TMEM123: variants seen among roughly 807,000 people sequenced by gnomAD.
The protein encoded by TMEM123 is porimin.
A neutral mutation model predicts 19.7 loss-of-function variants in TMEM123; 16 were observed. That is an observed-to-expected ratio of 0.81 (90% confidence interval 0.55 to 1.23). The LOEUF (loss-of-function observed/expected upper bound fraction) is 1.23, where lower values mean the gene tolerates loss of function less well. Ranked by LOEUF, TMEM123 falls within the 50% of genes most tolerant of loss-of-function variation. TMEM123 has a pLI of 0.00. For missense variants in TMEM123, 313 were observed against 257.8 expected (o/e 1.21, Z -1.47); for synonymous variants, 118 against 99.4 (o/e 1.19, Z -1.12).
chr11:102,415,381 TCTC>T (rs1410913976), intron 2 of TMEM123, among the ~76,000 whole-genome samples: 1 of 151,778 alleles, frequency 6.6e-6, no homozygotes, highest in Non-Finnish European at 1.5e-5. Context: ...GAATATACAT[TCTC>T]CTCATCTGCA....
At chr11:102,417,269 C>A (rs1952050225) in intron 2 of TMEM123, among the ~76,000 whole-genome samples, 1 of 152,150 alleles carries the variant, frequency 6.6e-6, no homozygotes, top group African/African-American at 2.4e-5. Context: ...CCCAAGGGCT[C>A]CTAGATCTGA....
Position 102,449,058 on chromosome 11 carries a change from C to T in TMEM123, c.101-190G>A, listed in dbSNP as rs890296772. Reference sequence around the variant, plus strand: ...GCTGTCAGTAAAAGGGACTGTATTACCAGGTTTTTCAAGATAAACATCTAG... The same window carrying T: ...GCTGTCAGTAAAAGGGACTGTATTATCAGGTTTTTCAAGATAAACATCTAG... On this transcript the variant is annotated intron_variant, in intron 1 of 4. Transcript: ENST00000398136. 16 of 544,762 alleles carry T rather than the reference C, an allele frequency of 2.9e-5. No individual in the cohort carries two copies. The African/African-American group carries it at 3.1e-4, about 10-fold the overall frequency. The allele number at this position is 544,762 out of a possible 1,614,324, so 33.7% of individuals were successfully genotyped here.
intron 2 of TMEM123, 130 bp from the exon 3 acceptor site, chr11:102,402,336 G>T: frequency 1.1e-6 from 1 of 914,052 alleles, no homozygotes. Context: ...AACATACTTA[G>T]CCCATTAATA....
At position 102,440,082 on chromosome 11, in the gene TMEM123, C is replaced by T. The variant is rs183733406; in HGVS notation, c.157+8730G>A. ...CCAAATCTATGTCTGATTGGTGTAACTGAAAGTGACGGGGAGCGTGGAACC... is the reference window on the plus strand; with the variant it reads ...CCAAATCTATGTCTGATTGGTGTAATTGAAAGTGACGGGGAGCGTGGAACC... On this transcript the variant is annotated intron_variant, in intron 2 of 4. Transcript: ENST00000398136. 2.7e-3 allele frequency among the ~76,000 whole-genome samples: 404 copies of T among 152,308 alleles called. 2 individuals are homozygous for T. The highest frequency in any genetic ancestry group is 9.3e-3 in the African/African-American group (386 of 41,556).
intron 2 of TMEM123, among the ~76,000 whole-genome samples, chr11:102,404,706 TCTC>T (rs1951940508): frequency 1.3e-5 from 2 of 151,944 alleles, no homozygotes; most frequent in African/African-American, 4.8e-5. Context: ...TTCAAGCAAT[TCTC>T]CTGCCTCAGC....
intron 2 of TMEM123, among the ~76,000 whole-genome samples, chr11:102,410,956 T>C (rs190649593): frequency 1.2e-4 from 19 of 152,350 alleles, no homozygotes; most frequent in African/African-American, 4.1e-4. Context: ...ATGTATCTTG[T>C]GTGTTACAAT....
In TMEM123 at chr11:102,401,624, TACC is replaced by T; in HGVS notation, c.514_516del (p.Gly172del). On this transcript the variant is annotated inframe_deletion, in exon 4 of 5. Transcript: ENST00000398136. ...GATAAAACTCCCAGCGTTAATACAA[TACC>T]ACCAACAAAGCTCCCAGTATCAAAT... 1.9e-6 allele frequency: 3 copies of T among 1,609,256 alleles called. No individual in the cohort carries two copies. Among genetic ancestry groups the T allele is most frequent in the Non-Finnish European group, 2.5e-6 (3 of 1,178,856 alleles).
chr11:102,439,295 T>A (rs1339537424), intron 2 of TMEM123, among the ~76,000 whole-genome samples: 1 of 152,080 alleles, frequency 6.6e-6, no homozygotes, highest in African/African-American at 2.4e-5. Context: ...GACTGCCTCC[T>A]AAAGTGGGTC....
chr11:102,422,195 C>T (rs1952092747), intron 2 of TMEM123, among the ~76,000 whole-genome samples: 1 of 152,150 alleles, frequency 6.6e-6, no homozygotes, highest in East Asian at 1.9e-4. Context: ...AAAGAATGGC[C>T]GAGTGTGGTG....
At chr11:102,406,857 C>T (rs1273576708) in intron 2 of TMEM123, among the ~76,000 whole-genome samples, 10 of 141,518 alleles carry the variant, frequency 7.1e-5, no homozygotes, top group Admixed American at 3.7e-4. Context: ...GGCAACAGAG[C>T]GAGGCTCCGT....
rs562206033 is a variant in TMEM123 at position 102,433,216 on chromosome 11, C to A, written c.157+15596G>T. 4.6e-5 allele frequency among the ~76,000 whole-genome samples: 7 copies of A among 151,942 alleles called. 1 individual carries two copies. Among genetic ancestry groups the A allele is most frequent in the Non-Finnish European group, 1.0e-4 (7 of 67,906 alleles). On this transcript the variant is annotated intron_variant, in intron 2 of 4. Transcript: ENST00000398136. ...GCACTGTGTCTGGAAAAGCCACAGA[C>A]ACTCAACGCCAGCTAGTGACAGCAT...
At chr11:102,410,578 T>C (rs190793240) in intron 2 of TMEM123, among the ~76,000 whole-genome samples, 184 of 151,826 alleles carry the variant, frequency 1.2e-3, no homozygotes, top group Admixed American at 4.3e-3. Flanking sequence ...TTTCCCTCTG[T>C]TCCTGCTCAA....
At chr11:102,437,738 A>T (rs1362198180) in intron 2 of TMEM123, among the ~76,000 whole-genome samples, 1 of 152,202 alleles carries the variant, frequency 6.6e-6, no homozygotes, top group Non-Finnish European at 1.5e-5. Flanking sequence ...AGACATTAAC[A>T]AGAATCCACA....
intron 2 of TMEM123, among the ~76,000 whole-genome samples, chr11:102,424,361 A>T (rs1002089846): frequency 2.6e-5 from 4 of 152,230 alleles, no homozygotes; most frequent in Admixed American, 6.5e-5. Context: ...TACTTTATAG[A>T]AGTACACTTA....
chr11:102,410,318 G>C (rs1951993400), intron 2 of TMEM123, among the ~76,000 whole-genome samples: 1 of 152,076 alleles, frequency 6.6e-6, no homozygotes, highest in Non-Finnish European at 1.5e-5. Flanking sequence ...CCCAGAACTG[G>C]AATTGAACTG....
At chr11:102,443,596 G>C (rs1257436867) in intron 2 of TMEM123, among the ~76,000 whole-genome samples, 5 of 152,152 alleles carry the variant, frequency 3.3e-5, no homozygotes, top group African/African-American at 4.8e-5. Context: ...AAAAACCCTA[G>C]AAGAAAACCT....
chr11:102,426,272 T>C (rs1952125412), intron 2 of TMEM123, among the ~76,000 whole-genome samples: 1 of 152,174 alleles, frequency 6.6e-6, no homozygotes, highest in Non-Finnish European at 1.5e-5. Context: ...AGATCGTTCT[T>C]AACAATAATA....
chr11:102,435,138 G>A lies in TMEM123; in HGVS notation c.157+13674C>T, dbSNP rs920923098. Among the ~76,000 whole-genome samples the A allele has an allele frequency of 2.2e-4, 34 of 151,886 alleles. 1 individual carries two copies. The highest frequency in any genetic ancestry group is 8.2e-4 in the African/African-American group (34 of 41,398). On this transcript the variant is annotated intron_variant, in intron 2 of 4. Coordinates refer to ENST00000398136, the MANE Select transcript of TMEM123 (RefSeq NM_052932.3). Reference sequence around the variant, plus strand: ...AAGGATTGCTTGAGCCCAGAAGTTTGAGACCAGCTTGGGCGACAAAGCAAG... The same window carrying A: ...AAGGATTGCTTGAGCCCAGAAGTTTAAGACCAGCTTGGGCGACAAAGCAAG...
At chr11:102,403,444 T>C (rs901061221) in intron 2 of TMEM123, among the ~76,000 whole-genome samples, 1 of 152,278 alleles carries the variant, frequency 6.6e-6, no homozygotes, top group Non-Finnish European at 1.5e-5. Flanking sequence ...ATCTTCTTTT[T>C]AACACGACAA....
Sources: gnomAD v4.1 joint callset for allele counts (sites outside exome capture counted in the v4.1 genomes callset) on GRCh38, gnomAD v4.1.1 for gene constraint, MANE v1.5 for transcripts, NCBI Gene and HGNC (gene_info 2026-07-23, HGNC 2026-07-21) for gene names.